The following LAMC3 variants were observed in gnomAD, a reference collection of about 807,000 sequenced individuals.
LAMC3 encodes laminin subunit gamma-3.
In LAMC3, 128 loss-of-function variants were observed where a neutral mutation model predicts 173.8. The ratio of observed to expected loss-of-function variants is 0.74; its 90% CI spans 0.64 to 0.85. LAMC3 has a LOEUF of 0.85. LAMC3 is among the 40% of genes least tolerant of loss of function. The pLI, the probability that LAMC3 is intolerant of heterozygous loss-of-function variation, is 0.00. For missense variants in LAMC3, 2,022 were observed against 2,156.0 expected, an observed-to-expected ratio of 0.94 and a Z score of 1.23; for synonymous variants, 897 against 909.1, an observed-to-expected ratio of 0.99 and a Z score of 0.24.
chr9:131,085,032 T>C (rs1445316222), intron 24 of LAMC3, among the ~76,000 whole-genome samples: 1 of 152,184 alleles, frequency 6.6e-6, no homozygotes, highest in Non-Finnish European at 1.5e-5. Context: ...GTTTCTGCAA[T>C]GTCATTATCG....
Position 131,026,165 on chromosome 9 carries a change from A to G in LAMC3, c.374-120A>G. The G allele has an allele frequency of 1.3e-6, 2 of 1,547,842 alleles. No homozygotes were observed. The highest frequency in any genetic ancestry group is 1.7e-6 in the Non-Finnish European group (2 of 1,146,128). ...GGTGGCTTCCCCTGTCCAGAGCTCC[A>G]GACAGCTTCCAGCGATCCATCCACG... On this transcript the variant is annotated intron_variant, in intron 1 of 27. Coordinates refer to ENST00000361069, the MANE Select transcript of LAMC3 (RefSeq NM_006059.4). The surrounding 1 kb of genome is among the most constrained non-coding windows in gnomAD (Gnocchi z 4.8).
At chr9:131,040,468 C>T (rs766299532) in intron 6 of LAMC3, among the ~76,000 whole-genome samples, 140 of 152,136 alleles carry the variant, frequency 9.2e-4, no homozygotes, top group Non-Finnish European at 1.6e-3. Flanking sequence ...TGAGTCACCG[C>T]GCCTGGCCCA....
At chr9:131,021,703 G>A (rs1025637270) in intron 1 of LAMC3, among the ~76,000 whole-genome samples, 5 of 152,088 alleles carry the variant, frequency 3.3e-5, no homozygotes, top group South Asian at 2.1e-4. Context: ...GCTGTCTTCC[G>A]CCACACACAC....
intron 18 of LAMC3, among the ~76,000 whole-genome samples, chr9:131,072,398 G>T (rs1029789638): frequency 6.6e-6 from 1 of 152,192 alleles, no homozygotes; most frequent in African/African-American, 2.4e-5. Flanking sequence ...GTCTCTCCCG[G>T]TCCCTGTGTA....
chr9:131,075,356 C>T lies in LAMC3; in HGVS notation c.3495-475C>T, dbSNP rs182208792. On this transcript the variant is annotated intron_variant, in intron 20 of 27. Coordinates refer to ENST00000361069, the MANE Select transcript of LAMC3 (RefSeq NM_006059.4). The stretch of plus-strand genomic sequence containing the variant: ...TGGGAGGCCGAGGTGGGTGGATCGC[C>T]TGAGGACAGGAGGTCGAGACCAGCC... Among the ~76,000 whole-genome samples, 5 of 152,232 alleles carry T rather than the reference C, an allele frequency of 3.3e-5. No homozygotes were observed. The Middle Eastern group carries it at 0.01, about 311-fold the overall frequency.
intron 17 of LAMC3, among the ~76,000 whole-genome samples, 186 bp downstream of exon 17, chr9:131,070,036 G>A (rs1299116339): frequency 2.0e-5 from 3 of 152,148 alleles, no homozygotes; most frequent in East Asian, 1.9e-4. Context: ...CCCTCACCTC[G>A]GCCCTTCCCC....
intron 9 of LAMC3, among the ~76,000 whole-genome samples, chr9:131,050,157 A>G (rs1258164764): frequency 3.3e-5 from 5 of 152,366 alleles, no homozygotes; most frequent in South Asian, 2.1e-4. Context: ...TATGTAAGAA[A>G]AGGGGCTTAT....
Position 131,052,653 on chromosome 9 carries a change from G to T in LAMC3, c.1793G>T (p.Gly598Val). Reference protein sequence around the residue: ...HSSLSGPQDAGHPREVELRFH... With the variant: ...HSSLSGPQDAVHPREVELRFH... ...AGCCTGTCTGGCCCCCAGGATGCCG[G>T]GCATCCCAGGGAGGTAGAGCTCAGG... The change falls in exon 10 of 28, where the codon GGG (glycine) becomes GTG (valine). Residue 598 changes from glycine to valine, a missense_variant. Gly to Val is a moderately radical substitution (Grantham distance 109). Coordinates refer to ENST00000361069, the MANE Select transcript of LAMC3 (RefSeq NM_006059.4). 1 of 1,613,778 alleles carries T rather than the reference G, an allele frequency of 6.2e-7. No individual in the cohort carries two copies. Among genetic ancestry groups the T allele is most frequent in the Non-Finnish European group, 8.5e-7 (1 of 1,179,914 alleles).
chr9:131,084,053 T>TTTGTA (rs1157644486), intron 24 of LAMC3, among the ~76,000 whole-genome samples: 1 of 149,966 alleles, frequency 6.7e-6, no homozygotes, highest in Non-Finnish European at 1.5e-5. Flanking sequence ...TTTTTTTTTT[T>TTTGTA]TGTATTTTTA....
chr9:131,026,600 A>G lies in LAMC3; in HGVS notation c.678+11A>G. On this transcript the variant is annotated intron_variant, in intron 2 of 27. Coordinates refer to ENST00000361069, the MANE Select transcript of LAMC3 (RefSeq NM_006059.4). The surrounding 1 kb of genome is among the most constrained non-coding windows in gnomAD (Gnocchi z 4.8). Reference sequence around the variant, plus strand: ...AGCCCTGGGCTGCAGGTCAGGGAGGAGCGGGGCTTCGGAGGTTGGGACGGG... The same window carrying G: ...AGCCCTGGGCTGCAGGTCAGGGAGGGGCGGGGCTTCGGAGGTTGGGACGGG... 6.4e-7 allele frequency: 1 copy of G among 1,568,984 alleles called. No individual in the cohort carries two copies. The highest frequency in any genetic ancestry group is 8.6e-7 in the Non-Finnish European group (1 of 1,157,436).
intron 13 of LAMC3, among the ~76,000 whole-genome samples, chr9:131,062,929 A>G (rs978191969): frequency 6.6e-6 from 1 of 151,700 alleles, no homozygotes; most frequent in Non-Finnish European, 1.5e-5. Context: ...CCAGCCCCTG[A>G]TAACAGCTGT....
chr9:131,083,680 G>A (rs934884053), intron 24 of LAMC3, among the ~76,000 whole-genome samples: 15 of 152,204 alleles, frequency 9.9e-5, no homozygotes, highest in African/African-American at 3.6e-4. Context: ...TCCCCCTAAC[G>A]TTTGTTAACA....
intron 23 of LAMC3, among the ~76,000 whole-genome samples, chr9:131,079,905 G>A (rs188511730): frequency 3.9e-5 from 6 of 152,266 alleles, no homozygotes; most frequent in Admixed American, 3.9e-4. Flanking sequence ...TCATTCTCTA[G>A]TTCATTCATG....
rs772095312 is a variant in LAMC3, at chr9:131,091,717, T to A, written c.4658T>A (p.Ile1553Asn). ...GGCTTCGAGAGTGACCTCGCCGAGA[T>A]CCGCGCCGACAAACAGAACCTGGAG... ...IQGFESDLAE[I>N]RADKQNLEAI... The change falls in exon 28 of 28, where the codon ATC becomes AAC. Residue 1553 changes from isoleucine to asparagine, a missense_variant. Transcript: ENST00000361069. 1.2e-6 allele frequency: 2 copies of A among 1,612,806 alleles called. No individual in the cohort carries two copies. Among genetic ancestry groups the A allele is most frequent in the Non-Finnish European group, 1.7e-6 (2 of 1,179,774 alleles).
chr9:131,040,190 T>G (rs913835220), intron 6 of LAMC3, among the ~76,000 whole-genome samples: 1 of 151,788 alleles, frequency 6.6e-6, no homozygotes, highest in East Asian at 1.9e-4. Context: ...CTCTATTTTT[T>G]TTTTTAAGAT....
At chr9:131,047,243 C>T (rs1337280068) in intron 8 of LAMC3, among the ~76,000 whole-genome samples, 4 of 106,508 alleles carry the variant, frequency 3.8e-5, no homozygotes, top group Non-Finnish European at 8.0e-5. Context: ...CAGCTCTCTG[C>T]AACCTCCGCC....
At chr9:131,078,550 C>T (rs1406990625) in intron 22 of LAMC3, among the ~76,000 whole-genome samples, 3 of 152,170 alleles carry the variant, frequency 2.0e-5, no homozygotes, top group African/African-American at 7.2e-5. Context: ...AAGTGCTAAC[C>T]CAGATTGATG....
In LAMC3 at chr9:131,041,845, A is replaced by G. The variant is rs1229777644; in HGVS notation, c.1382+110A>G. 3 of 907,448 alleles carry G rather than the reference A, an allele frequency of 3.3e-6. No individual in the cohort carries two copies. The African/African-American group carries it at 4.9e-5, about 15-fold the overall frequency. The allele number at this position is 907,448 out of a possible 1,614,324, so 56.2% of individuals were successfully genotyped here. A position where few individuals can be genotyped will look rare whatever the true frequency, so the allele number is the denominator to read the frequency against. ...GGAGCAAGGGGCACGGTCTTCATGG[A>G]CTTGGGTGACCTTGTCACCCTGTGC... On this transcript the variant is annotated intron_variant, in intron 7 of 27. Coordinates refer to ENST00000361069, the MANE Select transcript of LAMC3 (RefSeq NM_006059.4).
In LAMC3 at chr9:131,067,205, C is replaced by G; in HGVS notation, c.2593C>G (p.Pro865Ala). 1 of 1,613,032 alleles carries G rather than the reference C, an allele frequency of 6.2e-7. No homozygotes were observed. Among genetic ancestry groups the G allele is most frequent in the South Asian group, 1.1e-5 (1 of 91,066 alleles). Residue 865 changes from proline to alanine, a missense_variant and splice_region_variant, in exon 14 of 28, where the codon CCT (proline) becomes GCT (alanine). By Grantham distance (27) the Pro-to-Ala change is conservative. Coordinates refer to ENST00000361069, the MANE Select transcript of LAMC3 (RefSeq NM_006059.4). ...LAPRPADKCM[P>A]CSCHPQGSVS... ...CCCTCGACCCGCAGACAAATGCATG[C>G]GTGAGTACCTACCTCCAGACCCCAG...
Sources: gnomAD v4.1 joint callset for allele counts (sites outside exome capture counted in the v4.1 genomes callset) on GRCh38, gnomAD v4.1.1 for gene constraint, Gnocchi (gnomAD v3.1) non-coding constraint, MANE v1.5 for transcripts, NCBI Gene and HGNC (gene_info 2026-07-23, HGNC 2026-07-21) for gene names.